Variants in HEG1 observed in about 807,000 individuals in gnomAD.
HEG1 encodes protein HEG homolog 1.
A neutral mutation model predicts 125.6 loss-of-function variants in HEG1; 56 were observed. The observed-to-expected ratio is 0.45, with a 90% CI of 0.36 to 0.56. HEG1 has a LOEUF of 0.56. Among genes scored for constraint, HEG1 ranks in the 20% least tolerant of loss-of-function variants. HEG1 has a pLI of 0.00. For missense variants in HEG1, 1,523 were observed against 1,670.0 expected (o/e 0.91, Z 1.53); for synonymous variants, 644 against 668.5 (o/e 0.96, Z 0.57).
chr3:125,004,399 A>G (rs940582180), intron 9 of HEG1, among the ~76,000 whole-genome samples: 3 of 152,200 alleles, frequency 2.0e-5, no homozygotes, highest in Non-Finnish European at 4.4e-5. Context: ...TGACTCAGAT[A>G]GCAGTTGAGA....
chr3:124,991,939 A>G (rs962947804), intron 12 of HEG1, among the ~76,000 whole-genome samples: 2 of 152,206 alleles, frequency 1.3e-5, no homozygotes, highest in Non-Finnish European at 2.9e-5. Flanking sequence ...TGACCAATGC[A>G]ATTCATTTAG....
intron 1 of HEG1, among the ~76,000 whole-genome samples, chr3:125,045,039 T>C (rs928392823): frequency 1.3e-5 from 2 of 152,156 alleles, no homozygotes; most frequent in African/African-American, 4.8e-5. Context: ...GAGACGAAGA[T>C]GATGGTTTGA....
At chr3:124,992,623 C>G (rs1021652300) in intron 12 of HEG1, among the ~76,000 whole-genome samples, 3 of 152,226 alleles carry the variant, frequency 2.0e-5, no homozygotes, top group African/African-American at 7.2e-5. Flanking sequence ...GAGTGATGCC[C>G]TGTGGGCTGG....
intron 14 of HEG1, among the ~76,000 whole-genome samples, chr3:124,980,702 A>T (rs2107688384): frequency 6.6e-6 from 1 of 152,180 alleles, no homozygotes; most frequent in East Asian, 1.9e-4. Flanking sequence ...CATTTTTAGT[A>T]GAGACGGGGT....
chr3:124,994,521 T>C (rs1363042535), intron 12 of HEG1, among the ~76,000 whole-genome samples: 2 of 152,026 alleles, frequency 1.3e-5, no homozygotes, highest in Non-Finnish European at 2.9e-5. Context: ...TTTTTTTTTT[T>C]TGGAGACGGA....
chr3:125,052,893 G>A (rs1937845303), intron 1 of HEG1, among the ~76,000 whole-genome samples: 1 of 152,230 alleles, frequency 6.6e-6, no homozygotes, highest in Non-Finnish European at 1.5e-5. Context: ...GTTGAACTCT[G>A]CCAGGAAGAG....
At chr3:125,034,928 T>G (rs1386228957) in intron 1 of HEG1, among the ~76,000 whole-genome samples, 2 of 151,518 alleles carry the variant, frequency 1.3e-5, no homozygotes, top group Non-Finnish European at 3.0e-5. Context: ...CTGATTGGAG[T>G]TTAGGAGGAG....
chr3:124,971,216 A>G, intron 16 of HEG1: 1 of 455,420 alleles, frequency 2.2e-6, no homozygotes, highest in Non-Finnish European at 4.4e-6. Context: ...ATTTCTTGGC[A>G]GAAATAAAAT....
rs781594675 is a variant in HEG1 at position 125,029,425 on chromosome 3, T to G, written c.380A>C (p.Tyr127Ser). 2 of 1,606,468 alleles carry G rather than the reference T, an allele frequency of 1.2e-6. No individual in the cohort carries two copies. Among genetic ancestry groups the G allele is most frequent in the Admixed American group, 3.3e-5 (2 of 60,026 alleles). The change falls in exon 2 of 17, where the codon TAT becomes TCT. Residue 127 changes from tyrosine (Y) to serine (S), a missense_variant. Coordinates refer to ENST00000311127, the MANE Select transcript of HEG1 (RefSeq NM_020733.2). The stretch of plus-strand genomic sequence containing the variant: ...TGTTGAAAAGTCCTCTTGATTCTGA[T>G]AGAAGGTGATGTTTTCTACATGGGC... ...TEAHVENITF[Y>S]QNQEDFSTVS...
At chr3:125,016,620 C>A (rs1937253247) in intron 5 of HEG1, among the ~76,000 whole-genome samples, 1 of 152,144 alleles carries the variant, frequency 6.6e-6, no homozygotes, top group Non-Finnish European at 1.5e-5. Flanking sequence ...CATAAATATC[C>A]CCCGCTTGTG....
intron 14 of HEG1, among the ~76,000 whole-genome samples, chr3:124,983,495 T>C (rs1579398517): frequency 7.2e-6 from 1 of 139,838 alleles, no homozygotes; most frequent in African/African-American, 2.7e-5. Context: ...CCACCATGCC[T>C]GGCTGATTTT....
chr3:124,978,789 A>G (rs1936594758), intron 14 of HEG1, among the ~76,000 whole-genome samples: 1 of 143,670 alleles, frequency 7.0e-6, no homozygotes, highest in South Asian at 2.2e-4. Context: ...TGACACAGTG[A>G]GACTCTGTCT....
rs561637013 is a variant in HEG1, at chr3:125,046,443, T to A, written c.316+9132A>T. On this transcript the variant is annotated intron_variant, in intron 1 of 16. Coordinates refer to ENST00000311127, the MANE Select transcript of HEG1 (RefSeq NM_020733.2). ...CACACACACACACACACATATATAT[T>A]TTTTTAATTATACAGATGAGGTCTC... Among the ~76,000 whole-genome samples, 210 of 150,184 alleles carry A rather than the reference T, an allele frequency of 1.4e-3. 2 individuals carry two copies. Among genetic ancestry groups the A allele is most frequent in the Admixed American group, 0.011 (172 of 15,052 alleles).
chr3:125,028,142 TTC>T (rs1006671479), intron 2 of HEG1, among the ~76,000 whole-genome samples: 5 of 152,198 alleles, frequency 3.3e-5, no homozygotes, highest in African/African-American at 1.2e-4. Context: ...GTGTCTGAAT[TTC>T]TCTGTCTGCC....
At chr3:124,977,364 T>G (rs574614055) in intron 15 of HEG1, among the ~76,000 whole-genome samples, 1 of 152,386 alleles carries the variant, frequency 6.6e-6, no homozygotes, top group South Asian at 2.1e-4. Flanking sequence ...ATGTGCTTAT[T>G]GGCCATCTGT....
intron 3 of HEG1, among the ~76,000 whole-genome samples, chr3:125,024,363 G>A (rs1937384699): frequency 6.6e-6 from 1 of 152,156 alleles, no homozygotes; most frequent in African/African-American, 2.4e-5. Flanking sequence ...TGGTTTCCAG[G>A]AAGCTCAGTA....
At chr3:125,038,069 T>C (rs1255251100) in intron 1 of HEG1, among the ~76,000 whole-genome samples, 1 of 152,220 alleles carries the variant, frequency 6.6e-6, no homozygotes, top group African/African-American at 2.4e-5. Context: ...GAAATAGATT[T>C]GGGTGGATGA....
At chr3:125,048,475 C>G (rs1429002870) in intron 1 of HEG1, among the ~76,000 whole-genome samples, 1 of 152,248 alleles carries the variant, frequency 6.6e-6, no homozygotes, top group Non-Finnish European at 1.5e-5. Context: ...GCTGCTCCCC[C>G]TGCCTGGAAG....
chr3:124,988,251 A>G (rs1244829671), intron 14 of HEG1, among the ~76,000 whole-genome samples: 1 of 151,942 alleles, frequency 6.6e-6, no homozygotes, highest in Non-Finnish European at 1.5e-5. Flanking sequence ...TAAACACAAA[A>G]GCATAAAGAC....
Sources: gnomAD v4.1 joint callset for allele counts (sites outside exome capture counted in the v4.1 genomes callset) on GRCh38, gnomAD v4.1.1 for gene constraint, MANE v1.5 for transcripts, NCBI Gene and HGNC (gene_info 2026-07-23, HGNC 2026-07-21) for gene names.